Variants in HIBADH observed in about 807,000 individuals in gnomAD.
HIBADH encodes the protein 3-hydroxyisobutyrate dehydrogenase, mitochondrial.
Under a neutral mutation model 36.1 loss-of-function variants are expected in HIBADH, and 25 were observed. The observed-to-expected ratio is 0.69, with a 90% CI of 0.50 to 0.97. HIBADH has a LOEUF of 0.97. Ranked by LOEUF, HIBADH falls within the 50% of genes least tolerant of loss-of-function variation. The pLI, the probability that HIBADH is intolerant of heterozygous loss-of-function variation, is 0.00. For synonymous variants in HIBADH, 160 were observed against 149.5 expected (o/e 1.07, Z -0.51); for missense variants, 421 against 418.0 (o/e 1.01, Z -0.06).
intron 4 of HIBADH, among the ~76,000 whole-genome samples, chr7:27,576,365 G>A (rs1231704962): frequency 6.6e-6 from 1 of 152,174 alleles, no homozygotes; most frequent in Non-Finnish European, 1.5e-5. Flanking sequence ...CAACATCAGA[G>A]AAATATAATA....
chr7:27,661,746 C>CA (rs1251496437), intron 1 of HIBADH, among the ~76,000 whole-genome samples: 1 of 148,680 alleles, frequency 6.7e-6, no homozygotes, highest in Non-Finnish European at 1.5e-5. Context: ...TTACAACTCT[C>CA]AAACTTTCAG....
chr7:27,657,240 G>A (rs543263719), intron 1 of HIBADH, among the ~76,000 whole-genome samples: 12 of 152,088 alleles, frequency 7.9e-5, no homozygotes, highest in Admixed American at 7.9e-4. Context: ...TACAACAAGA[G>A]GCTGAAAAAA....
intron 4 of HIBADH, among the ~76,000 whole-genome samples, chr7:27,559,025 G>T (rs1324215381): frequency 6.6e-6 from 1 of 152,152 alleles, no homozygotes; most frequent in Non-Finnish European, 1.5e-5. Flanking sequence ...GGTGTTGGCA[G>T]GATTGGTTCC....
chr7:27,540,999 A>G (rs1469496868), intron 5 of HIBADH, among the ~76,000 whole-genome samples: 2 of 152,156 alleles, frequency 1.3e-5, no homozygotes, highest in Non-Finnish European at 1.5e-5. Flanking sequence ...GAAGTTAGCA[A>G]CTTTATAGAT....
At chr7:27,550,886 C>T (rs1369188291) in intron 4 of HIBADH, among the ~76,000 whole-genome samples, 1 of 152,128 alleles carries the variant, frequency 6.6e-6, no homozygotes, top group Non-Finnish European at 1.5e-5. Flanking sequence ...CTCATTAAGA[C>T]TTAATATTTT....
rs1562608834 is a variant in HIBADH, at chr7:27,525,541, C to T, written c.*673G>A. The T allele has an allele frequency of 6.6e-6, 1 of 151,960 alleles. No homozygotes were observed. The highest frequency in any genetic ancestry group is 2.4e-5 in the African/African-American group (1 of 41,364). 9.4% of individuals were successfully genotyped at this position (151,960 alleles called of 1,614,324 possible). On this transcript the variant is annotated 3_prime_UTR_variant, in exon 8 of 8. Coordinates refer to ENST00000265395, the MANE Select transcript of HIBADH (RefSeq NM_152740.4). ...AAATATCATCATTGGCTCTGAAATG[C>T]ATCTAAAGATGTCATTCTTAAGTCA... is the stretch of plus-strand genomic sequence containing the variant.
At position 27,585,154 on chromosome 7, in the gene HIBADH, GT is replaced by G. The variant is rs961032681; in HGVS notation, c.485-42055del. Among the ~76,000 whole-genome samples the G allele has an allele frequency of 5.9e-5, 9 of 151,692 alleles. No individual in the cohort carries two copies. The South Asian group carries it at 6.2e-4, about 10-fold the overall frequency. The stretch of plus-strand genomic sequence containing the variant: ...TTTATACATACATACAGGTGTGCAT[GT>G]TTTTTATATATGTATATATGTGTGT... On this transcript the variant is annotated intron_variant, in intron 4 of 7. Coordinates refer to ENST00000265395, the MANE Select transcript of HIBADH (RefSeq NM_152740.4).
intron 4 of HIBADH, among the ~76,000 whole-genome samples, chr7:27,613,367 G>A (rs572463820): frequency 1.5e-3 from 84 of 57,518 alleles, no homozygotes; most frequent in African/African-American, 7.9e-3. Context: ...AAAGAGCCTC[G>A]TTTAGATAGA....
chr7:27,560,283 A>G (rs1784446138), intron 4 of HIBADH, among the ~76,000 whole-genome samples: 1 of 152,098 alleles, frequency 6.6e-6, no homozygotes, highest in Non-Finnish European at 1.5e-5. Flanking sequence ...CACCACGCCT[A>G]ATTTTTTGTA....
chr7:27,604,427 AT>A (rs34640888), intron 4 of HIBADH, among the ~76,000 whole-genome samples: 112,273 of 148,786 alleles, frequency 0.75, 42,528 homozygotes, highest in East Asian at 0.93. Flanking sequence ...ATCAAATTTG[AT>A]TTTTTTTTTT....
intron 6 of HIBADH, among the ~76,000 whole-genome samples, chr7:27,532,283 C>T (rs1784013494): frequency 1.3e-5 from 2 of 152,192 alleles, no homozygotes; most frequent in African/African-American, 4.8e-5. Flanking sequence ...TGGTTTCTTT[C>T]ATACACAGAG....
At chr7:27,607,401 T>C (rs1159896540) in intron 4 of HIBADH, among the ~76,000 whole-genome samples, 3 of 151,992 alleles carry the variant, frequency 2.0e-5, no homozygotes, top group Admixed American at 2.0e-4. Flanking sequence ...CCCAGCTACA[T>C]GGGAGGAAGA....
In HIBADH at chr7:27,535,285, A is replaced by G. The variant is rs141364149; in HGVS notation, c.695+3056T>C. 3.2e-3 allele frequency among the ~76,000 whole-genome samples: 492 copies of G among 152,130 alleles called. 6 individuals carry two copies. The highest frequency in any genetic ancestry group is 0.011 in the African/African-American group (462 of 41,540). On this transcript the variant is annotated intron_variant, in intron 6 of 7. Transcript: ENST00000265395. ...AAATTACAAACCTTTGCCATCTGTT[A>G]TATTTATTAGGGTAAACAACTAAGG...
chr7:27,587,872 A>T (rs1428706126), intron 4 of HIBADH, among the ~76,000 whole-genome samples: 1 of 152,238 alleles, frequency 6.6e-6, no homozygotes, highest in Non-Finnish European at 1.5e-5. Flanking sequence ...TCAACTGAGG[A>T]GGTAAGAGAA....
At chr7:27,563,837 G>A (rs1784501217) in intron 4 of HIBADH, among the ~76,000 whole-genome samples, 1 of 151,968 alleles carries the variant, frequency 6.6e-6, no homozygotes, top group South Asian at 2.1e-4. Flanking sequence ...ATTTCTCTTA[G>A]GCTGCAGCTT....
intron 2 of HIBADH, 42 bp from the exon 3 acceptor site, chr7:27,632,487 G>T (rs1325309704): frequency 3.0e-6 from 4 of 1,318,192 alleles, no homozygotes; most frequent in Non-Finnish European, 4.3e-6. Flanking sequence ...AAATTAAAAT[G>T]TAAGCAGTTT....
chr7:27,650,205 G>T (rs12535844), intron 1 of HIBADH, among the ~76,000 whole-genome samples: 113,879 of 150,384 alleles, frequency 0.76, 43,527 homozygotes, highest in East Asian at 0.94. Context: ...GTAAGTCTTG[G>T]ACCAGCTTCA....
chr7:27,627,947 T>G (rs1461935920), intron 4 of HIBADH, among the ~76,000 whole-genome samples: 1 of 152,166 alleles, frequency 6.6e-6, no homozygotes, highest in Non-Finnish European at 1.5e-5. Context: ...ATCAAATTGG[T>G]ATTTTTTATT....
chr7:27,568,394 T>C lies in HIBADH; in HGVS notation c.485-25294A>G, dbSNP rs138655887. 2.9e-3 allele frequency among the ~76,000 whole-genome samples: 439 copies of C among 152,288 alleles called. 2 individuals carry two copies. Among genetic ancestry groups the C allele is most frequent in the Non-Finnish European group, 3.9e-3 (265 of 68,026 alleles). ...TTTTTTTCTGAAGTTGTTGCAATCA[T>C]TGTTCCCCTGTAATGCATCATTTTT... On this transcript the variant is annotated intron_variant, in intron 4 of 7. Coordinates refer to ENST00000265395, the MANE Select transcript of HIBADH (RefSeq NM_152740.4).
Sources: gnomAD v4.1 joint callset for allele counts (sites outside exome capture counted in the v4.1 genomes callset) on GRCh38, gnomAD v4.1.1 for gene constraint, MANE v1.5 for transcripts, NCBI Gene and HGNC (gene_info 2026-07-23, HGNC 2026-07-21) for gene names.